COX10: variants seen among roughly 807,000 people sequenced by gnomAD.
The protein encoded by COX10 is cytochrome c oxidase assembly factor heme A:farnesyltransferase COX10.
A neutral mutation model predicts 37.3 loss-of-function variants in COX10; 27 were observed. That is an observed-to-expected ratio of 0.72 (90% confidence interval 0.53 to 1.00). The LOEUF (loss-of-function observed/expected upper bound fraction) is 1.00, where lower values mean the gene tolerates loss of function less well. Ranked by LOEUF, COX10 falls within the 50% of genes least tolerant of loss-of-function variation. COX10 has a pLI of 0.00. For missense variants in COX10, 475 were observed against 563.2 expected (o/e 0.84, Z 1.59); for synonymous variants, 222 against 229.1 (o/e 0.97, Z 0.28).
chr17:14,176,618 A>G (rs977899491), intron 5 of COX10, among the ~76,000 whole-genome samples: 6 of 152,172 alleles, frequency 3.9e-5, no homozygotes, highest in African/African-American at 1.4e-4. Flanking sequence ...TTGTACATAC[A>G]TAACCTTCCA....
intron 4 of COX10, among the ~76,000 whole-genome samples, chr17:14,118,782 T>C (rs1916167714): frequency 1.3e-5 from 2 of 152,278 alleles, no homozygotes; most frequent in African/African-American, 2.4e-5. Context: ...TGTTCATTTC[T>C]AGGTATTCTT....
At chr17:14,104,293 A>G (rs1229069700) in intron 4 of COX10, among the ~76,000 whole-genome samples, 1 of 152,160 alleles carries the variant, frequency 6.6e-6, no homozygotes, top group East Asian at 1.9e-4. Context: ...CCAAATCATA[A>G]TATTTCCCAA....
intron 4 of COX10, among the ~76,000 whole-genome samples, chr17:14,135,166 A>G (rs575737851): frequency 3.9e-5 from 6 of 151,958 alleles, no homozygotes; most frequent in Non-Finnish European, 2.9e-5. Flanking sequence ...GAAATTTTAT[A>G]TAGTATTCTC....
intron 5 of COX10, among the ~76,000 whole-genome samples, chr17:14,173,715 A>G (rs1276264983): frequency 6.6e-6 from 1 of 152,248 alleles, no homozygotes; most frequent in Admixed American, 6.5e-5. Context: ...CTAGTATATA[A>G]TAAGGCAAGA....
chr17:14,198,467 G>A (rs1473177383), intron 6 of COX10, among the ~76,000 whole-genome samples: 1 of 152,122 alleles, frequency 6.6e-6, no homozygotes, highest in Non-Finnish European at 1.5e-5. Flanking sequence ...GGAGTGTATG[G>A]ATTGGGCCTT....
intron 5 of COX10, among the ~76,000 whole-genome samples, chr17:14,174,456 CAAAAAAA>C (rs61593222): frequency 6.0e-5 from 4 of 66,172 alleles, no homozygotes; most frequent in Non-Finnish European, 1.3e-4. Flanking sequence ...AAGACCCTGT[CAAAAAAA>C]AAAAAAAAAA....
intron 4 of COX10, among the ~76,000 whole-genome samples, chr17:14,138,346 C>G (rs1904440008): frequency 6.6e-6 from 1 of 152,098 alleles, no homozygotes; most frequent in African/African-American, 2.4e-5. Context: ...TTAACTTAGC[C>G]CACATTGTCA....
intron 3 of COX10, among the ~76,000 whole-genome samples, chr17:14,098,063 C>CT (rs1915689142): frequency 2.0e-5 from 3 of 152,098 alleles, no homozygotes; most frequent in Admixed American, 6.5e-5. Flanking sequence ...GATGTGGAAC[C>CT]TATGGATACA....
intron 3 of COX10, among the ~76,000 whole-genome samples, chr17:14,087,147 G>A (rs541054356): frequency 3.3e-5 from 5 of 152,188 alleles, no homozygotes; most frequent in Non-Finnish European, 5.9e-5. Context: ...GAGTGTTGTG[G>A]ACAGAATAAG....
rs753622725 is a variant in COX10 at position 14,206,985 on chromosome 17, C to A, written c.1104C>A (p.Ser368=). 9.3e-6 allele frequency: 15 copies of A among 1,613,952 alleles called. No homozygotes were observed. The highest frequency in any genetic ancestry group is 1.2e-5 in the Non-Finnish European group (14 of 1,179,934). The change falls in exon 7 of 7, where the codon TCC becomes TCA. Residue 368 remains serine (S), a synonymous_variant. Coordinates refer to ENST00000261643, the MANE Select transcript of COX10 (RefSeq NM_001303.4). ...ACTGCCTGGCCCTGCTCGTGCTGTC[C>A]GCAGCAGCCCCTGTGCTGGACATCA... ...LRHCLALLVL[S]AAAPVLDITT...
chr17:14,184,435 C>T (rs1285020479), intron 5 of COX10, among the ~76,000 whole-genome samples: 1 of 152,176 alleles, frequency 6.6e-6, no homozygotes, highest in Non-Finnish European at 1.5e-5. Context: ...AAACATATTT[C>T]TTATGAAAAA....
chr17:14,077,653 CATT>C (rs1005997682), intron 3 of COX10, among the ~76,000 whole-genome samples: 22 of 152,316 alleles, frequency 1.4e-4, no homozygotes, highest in Admixed American at 7.2e-4. Context: ...TCAGACAGAG[CATT>C]ATTATTATCC....
At chr17:14,130,389 G>T (rs1473144670) in intron 4 of COX10, among the ~76,000 whole-genome samples, 2 of 151,996 alleles carry the variant, frequency 1.3e-5, no homozygotes, top group African/African-American at 4.8e-5. Context: ...AAAATTCCCC[G>T]GGACTTCTGA....
chr17:14,099,409 A>G (rs1462415583), intron 3 of COX10, among the ~76,000 whole-genome samples: 1 of 152,114 alleles, frequency 6.6e-6, no homozygotes, highest in Non-Finnish European at 1.5e-5. Flanking sequence ...ATATGGTACA[A>G]CTATAAAGGA....
chr17:14,105,878 T>G (rs534546288), intron 4 of COX10, among the ~76,000 whole-genome samples: 1 of 152,116 alleles, frequency 6.6e-6, no homozygotes, highest in Non-Finnish European at 1.5e-5. Flanking sequence ...TTCATATATA[T>G]AACATATATA....
intron 4 of COX10, among the ~76,000 whole-genome samples, chr17:14,151,301 A>G (rs546897663): frequency 2.6e-5 from 4 of 152,248 alleles, no homozygotes; most frequent in Non-Finnish European, 4.4e-5. Flanking sequence ...CTGGGCCCTC[A>G]CTGAAATGAA....
chr17:14,114,365 T>C (rs778192788), intron 4 of COX10, among the ~76,000 whole-genome samples: 1 of 152,148 alleles, frequency 6.6e-6, no homozygotes, highest in Non-Finnish European at 1.5e-5. Context: ...ATGTCATCCT[T>C]ATTTTCATTG....
At chr17:14,077,402 G>A in intron 3 of COX10, 1 of 298,404 alleles carries the variant, frequency 3.4e-6, no homozygotes, top group Non-Finnish European at 6.4e-6. Flanking sequence ...TTCTGGAATG[G>A]GAAGAATTGC....
intron 5 of COX10, among the ~76,000 whole-genome samples, chr17:14,173,836 G>A (rs547344759): frequency 6.6e-6 from 1 of 152,318 alleles, no homozygotes; most frequent in South Asian, 2.1e-4. Flanking sequence ...GGAGTAATAA[G>A]TAAATCTAGC....
Sources: gnomAD v4.1 joint callset for allele counts (sites outside exome capture counted in the v4.1 genomes callset) on GRCh38, gnomAD v4.1.1 for gene constraint, MANE v1.5 for transcripts, NCBI Gene and HGNC (gene_info 2026-07-23, HGNC 2026-07-21) for gene names.